Variants in VEGFD observed in about 807,000 individuals in gnomAD.
VEGFD encodes the protein vascular endothelial growth factor D, also known as c-fos induced growth factor (vascular endothelial growth factor D).
VEGFD carries 26 observed loss-of-function variants against 28.0 expected under a neutral mutation model. The ratio of observed to expected loss-of-function variants is 0.93; its 90% CI spans 0.68 to 1.29. The LOEUF is 1.29. Ranked by LOEUF, VEGFD falls within the 50% of genes most tolerant of loss-of-function variation. The pLI is 0.00. For synonymous variants in VEGFD, 93 were observed against 95.5 expected (o/e 0.97, Z 0.15); for missense variants, 294 against 273.4 (o/e 1.08, Z -0.53).
Position 15,359,647 on chromosome X carries a change from T to C in VEGFD, c.302-1454A>G, listed in dbSNP as rs1602225056. Among the ~76,000 whole-genome samples, 4 of 111,006 alleles carry C rather than the reference T, an allele frequency of 3.6e-5. No individual in the cohort carries two copies. The Admixed American group carries it at 3.9e-4, about 11-fold the overall frequency. ...CTTATGAGTGAGAACATGCGGTGTT[T>C]GGTTTTCAGTTCTTGTGTTAGTTTG... On this transcript the variant is annotated intron_variant, in intron 2 of 6. Coordinates refer to ENST00000297904, the MANE Select transcript of VEGFD (RefSeq NM_004469.5).
chrX:15,347,120 C>G, intron 6 of VEGFD, 44 bp downstream of exon 6: 1 of 1,124,804 alleles, frequency 8.9e-7, no homozygotes. Context: ...ATGGCATCTA[C>G]GTTAAATGTC....
intron 2 of VEGFD, 56 bp downstream of exon 2, chrX:15,363,053 G>A: frequency 9.2e-7 from 1 of 1,088,350 alleles, no homozygotes; most frequent in Non-Finnish European, 1.3e-6. Context: ...GAAAGTAAGT[G>A]TGTTTGTCAC....
intron 4 of VEGFD, among the ~76,000 whole-genome samples, chrX:15,354,570 C>T (rs1356586733): frequency 9.0e-6 from 1 of 110,713 alleles, no homozygotes; most frequent in Non-Finnish European, 1.9e-5. Context: ...TGATCCTTAC[C>T]TTTGGTTTTG....
chrX:15,347,879 T>C (rs926940648), intron 5 of VEGFD, among the ~76,000 whole-genome samples: 6 of 112,039 alleles, frequency 5.4e-5, no homozygotes, highest in African/African-American at 1.6e-4. Flanking sequence ...GAACTTTGAT[T>C]CCACCAACAT....
At chrX:15,351,362 G>A (rs1226211577) in intron 5 of VEGFD, among the ~76,000 whole-genome samples, 6 of 105,788 alleles carry the variant, frequency 5.7e-5, no homozygotes, top group Admixed American at 2.0e-4. Flanking sequence ...CTCGTGATCC[G>A]CCCGCCTCGG....
intron 1 of VEGFD, among the ~76,000 whole-genome samples, chrX:15,380,461 C>A (rs73189548): frequency 3.3e-3 from 369 of 112,337 alleles, no homozygotes; most frequent in Non-Finnish European, 5.7e-3. Flanking sequence ...CATCACCCAC[C>A]AATATTCTTC....
chrX:15,379,053 C>T (rs1486955222), intron 1 of VEGFD, among the ~76,000 whole-genome samples: 1 of 111,427 alleles, frequency 9.0e-6, no homozygotes, highest in African/African-American at 3.3e-5. Context: ...CTCTTATTAC[C>T]TTCAGGACTC....
intron 5 of VEGFD, among the ~76,000 whole-genome samples, chrX:15,349,747 C>T (rs760552788): frequency 1.8e-5 from 2 of 111,461 alleles, no homozygotes; most frequent in African/African-American, 3.3e-5. Context: ...CCTAAATGTG[C>T]TCATCTGGGC....
chrX:15,350,787 C>CTTTCT (rs565802253), intron 5 of VEGFD, among the ~76,000 whole-genome samples: 38,809 of 95,638 alleles, frequency 0.41, 6,959 homozygotes, highest in South Asian at 0.49. Flanking sequence ...CTTTCTCTCT[C>CTTTCT]TTTCTTTTCT....
At chrX:15,360,552 TG>T (rs1339421427) in intron 2 of VEGFD, among the ~76,000 whole-genome samples, 1 of 110,915 alleles carries the variant, frequency 9.0e-6, no homozygotes. Flanking sequence ...TTGGCCAGGC[TG>T]GTCTTGATCT....
At chrX:15,365,498 G>T (rs1258620974) in intron 1 of VEGFD, among the ~76,000 whole-genome samples, 1 of 111,937 alleles carries the variant, frequency 8.9e-6, no homozygotes, top group Non-Finnish European at 1.9e-5. Flanking sequence ...TTAGCCTGCT[G>T]CCTGCCTGTT....
At chrX:15,354,863 G>A (rs1922824233) in intron 4 of VEGFD, among the ~76,000 whole-genome samples, 3 of 111,249 alleles carry the variant, frequency 2.7e-5, no homozygotes, top group South Asian at 3.8e-4. Context: ...AGGTTACAGC[G>A]GTTTTACACC....
intron 5 of VEGFD, among the ~76,000 whole-genome samples, chrX:15,347,800 C>T (rs1026352900): frequency 9.0e-6 from 1 of 111,340 alleles, no homozygotes. Flanking sequence ...CCAGGCCAGG[C>T]GTAGCAATAG....
intron 4 of VEGFD, among the ~76,000 whole-genome samples, chrX:15,354,135 AT>A (rs200014482): frequency 0.089 from 9,513 of 106,460 alleles, 624 homozygotes; most frequent in African/African-American, 0.22. Context: ...CACCCGGCTA[AT>A]TTTTTTTTAT....
At chrX:15,369,318 A>C (rs1342422017) in intron 1 of VEGFD, among the ~76,000 whole-genome samples, 4 of 110,386 alleles carry the variant, frequency 3.6e-5, no homozygotes, top group Admixed American at 9.7e-5. Flanking sequence ...GAATGAAGAA[A>C]GGCATAATTT....
chrX:15,358,868 T>C (rs1252931531), intron 2 of VEGFD, among the ~76,000 whole-genome samples: 1 of 112,597 alleles, frequency 8.9e-6, no homozygotes, highest in Non-Finnish European at 1.9e-5. Context: ...AAAAAAATTA[T>C]ATACTTTCTT....
At chrX:15,367,676 C>G (rs1923178869) in intron 1 of VEGFD, among the ~76,000 whole-genome samples, 1 of 110,958 alleles carries the variant, frequency 9.0e-6, no homozygotes, top group Non-Finnish European at 1.9e-5. Context: ...AAATACAAGG[C>G]CAGGCATGGT....
At chrX:15,383,709 A>G in intron 1 of VEGFD, 148 bp downstream of exon 1, 1 of 415,420 alleles carries the variant, frequency 2.4e-6, no homozygotes, top group Non-Finnish European at 4.2e-6. Context: ...CAGAACAGTC[A>G]CCAAGAAATG....
intron 1 of VEGFD, among the ~76,000 whole-genome samples, chrX:15,365,203 G>A (rs776146775): frequency 4.8e-4 from 54 of 111,664 alleles, no homozygotes; most frequent in African/African-American, 1.7e-3. Context: ...CACCATCTCC[G>A]CTCACTGCAA....
Sources: gnomAD v4.1 joint callset for allele counts (sites outside exome capture counted in the v4.1 genomes callset) on GRCh38, gnomAD v4.1.1 for gene constraint, MANE v1.5 for transcripts, NCBI Gene and HGNC (gene_info 2026-07-23, HGNC 2026-07-21) for gene names.